The following C12orf43 variants were observed in gnomAD, a reference collection of about 807,000 sequenced individuals.
The protein encoded by C12orf43 is protein CUSTOS.
In C12orf43, 15 loss-of-function variants were observed where a neutral mutation model predicts 20.6. The ratio of observed to expected loss-of-function variants is 0.73; its 90% CI spans 0.49 to 1.12. The LOEUF (loss-of-function observed/expected upper bound fraction) is 1.12, where lower values mean the gene tolerates loss of function less well. Ranked by LOEUF, C12orf43 falls within the 50% of genes most tolerant of loss-of-function variation. The pLI is 0.00. For missense variants in C12orf43, 334 were observed against 344.4 expected, an observed-to-expected ratio of 0.97 and a Z score of 0.24; for synonymous variants, 144 against 130.8, an observed-to-expected ratio of 1.10 and a Z score of -0.69.
In C12orf43 at chr12:121,003,121, G is replaced by A. The variant is rs1877653995; in HGVS notation, c.*1032C>T. The A allele has an allele frequency of 6.6e-6, 1 of 151,872 alleles. No homozygotes were observed. Among genetic ancestry groups the A allele is most frequent in the Non-Finnish European group, 1.5e-5 (1 of 68,088 alleles). 9.4% of individuals were successfully genotyped at this position (151,872 alleles called of 1,614,324 possible). On this transcript the variant is annotated 3_prime_UTR_variant, in exon 6 of 6. Coordinates refer to ENST00000288757, the MANE Select transcript of C12orf43 (RefSeq NM_022895.3). ...GGCTCACTGCAACCTGCACCTCCTG[G>A]GTTCAAGCGATTCTCCCACCTCAGC...
chr12:121,000,953 G>C lies in C12orf43; in HGVS notation c.*3200C>G. ...GACTTTGGGGTTCCTGTTATCTGCT[G>C]TGATCCAGGAGGTGTGGCCCTGCCT... On this transcript the variant is annotated 3_prime_UTR_variant, in exon 6 of 6. Coordinates refer to ENST00000288757, the MANE Select transcript of C12orf43 (RefSeq NM_022895.3). The C allele has an allele frequency of 6.9e-7, 1 of 1,439,808 alleles. No homozygotes were observed. Among genetic ancestry groups the C allele is most frequent in the Non-Finnish European group, 9.6e-7 (1 of 1,036,872 alleles). 89.2% of individuals were successfully genotyped at this position (1,439,808 alleles called of 1,614,324 possible).
In C12orf43 at chr12:121,004,249, C is replaced by T. The variant is rs377513217; in HGVS notation, c.693G>A (p.Val231=). ...TTTTCTTCTTTTTGGTCCCAAGCGACACCTGGTCCCCGTTGAGCTCACCTG... is the reference window on the plus strand; with the variant it reads ...TTTTCTTCTTTTTGGTCCCAAGCGATACCTGGTCCCCGTTGAGCTCACCTG... The part of the protein sequence containing the change: ...QKSGELNGDQ[V]SLGTKKKKKA... Residue 231 remains valine, a synonymous_variant, in exon 6 of 6, where the codon GTG becomes GTA. Transcript: ENST00000288757. The surrounding 1 kb of genome is among the most constrained non-coding windows in gnomAD (Gnocchi z 5.6). 1.2e-6 allele frequency: 2 copies of T among 1,614,218 alleles called. No homozygotes were observed.
rs538419966 is a variant in C12orf43, at chr12:121,002,017, G to A, written c.*2136C>T. Reference sequence around the variant, plus strand: ...TACTCCTGTGGGAGCCTCGCAACCCGTGCCAAGTCCAGGTCCTGGTGGGGC... The same window carrying A: ...TACTCCTGTGGGAGCCTCGCAACCCATGCCAAGTCCAGGTCCTGGTGGGGC... On this transcript the variant is annotated 3_prime_UTR_variant, in exon 6 of 6. Coordinates refer to ENST00000288757, the MANE Select transcript of C12orf43 (RefSeq NM_022895.3). 1.9e-5 allele frequency: 10 copies of A among 536,676 alleles called. No homozygotes were observed. Among genetic ancestry groups the A allele is most frequent in the Middle Eastern group, 2.8e-4 (1 of 3,564 alleles). The allele number at this position is 536,676 out of a possible 1,614,324, so 33.2% of individuals were successfully genotyped here. A position where few individuals can be genotyped will look rare whatever the true frequency, so the allele number is the denominator to read the frequency against.
At chr12:121,014,333 A>G (rs1472102483) in intron 1 of C12orf43, among the ~76,000 whole-genome samples, 1 of 151,932 alleles carries the variant, frequency 6.6e-6, no homozygotes, top group Non-Finnish European at 1.5e-5. Flanking sequence ...CTGCGTCTCA[A>G]AAAGAAAAAA....
At chr12:121,011,998 C>T (rs541059009) in intron 1 of C12orf43, among the ~76,000 whole-genome samples, 3 of 151,958 alleles carry the variant, frequency 2.0e-5, no homozygotes, top group Non-Finnish European at 4.4e-5. Context: ...AACACACATA[C>T]GTAAACAAAA....
Position 121,000,792 on chromosome 12 carries a change from AACACGT to A in C12orf43, c.*3355_*3360del. 1 of 495,814 alleles carries A rather than the reference AACACGT, an allele frequency of 2.0e-6. No homozygotes were observed. The highest frequency in any genetic ancestry group is 3.7e-6 in the Non-Finnish European group (1 of 269,220). 30.7% of individuals were successfully genotyped at this position (495,814 alleles called of 1,614,324 possible). On this transcript the variant is annotated 3_prime_UTR_variant, in exon 6 of 6. Transcript: ENST00000288757. ...GTGTTTGACTCAGCCTAGCCAAGCC[AACACGT>A]ACAACTACCTACCTCGGCATCTCAC...
At chr12:121,006,463 C>G in intron 3 of C12orf43, 69 bp from the exon 4 acceptor site, 1 of 1,441,548 alleles carries the variant, frequency 6.9e-7, no homozygotes, top group Non-Finnish European at 9.8e-7. Context: ...AATTCTTTTT[C>G]AAGTGGAGGG....
chr12:121,013,529 C>T (rs748725089), intron 1 of C12orf43, among the ~76,000 whole-genome samples: 5 of 152,192 alleles, frequency 3.3e-5, no homozygotes, highest in Non-Finnish European at 7.3e-5. Context: ...TACTTGAATA[C>T]GTGGTCTGCC....
Position 121,001,151 on chromosome 12 carries a change from G to C in C12orf43, c.*3002C>G, listed in dbSNP as rs1316999782. 1 of 1,614,088 alleles carries C rather than the reference G, an allele frequency of 6.2e-7. No homozygotes were observed. The highest frequency in any genetic ancestry group is 2.2e-5 in the East Asian group (1 of 44,876). On this transcript the variant is annotated 3_prime_UTR_variant, in exon 6 of 6. Coordinates refer to ENST00000288757, the MANE Select transcript of C12orf43 (RefSeq NM_022895.3). The stretch of plus-strand genomic sequence containing the variant: ...GCTGCCATCCAACCACAGCGTCATC[G>C]AGACCTTCATCTCCACCCAGATGGC...
In C12orf43 at chr12:121,004,053, G is replaced by T; in HGVS notation, c.*100C>A. On this transcript the variant is annotated 3_prime_UTR_variant, in exon 6 of 6. Transcript: ENST00000288757. The surrounding 1 kb of genome is among the most constrained non-coding windows in gnomAD (Gnocchi z 5.6). ...GTCTGGGTTTGCCAGCCCAGTCCTT[G>T]AACTTGGAGAGGGAGGTGGGGCTTG... The T allele has an allele frequency of 7.5e-7, 1 of 1,341,014 alleles. No homozygotes were observed. Among genetic ancestry groups the T allele is most frequent in the Non-Finnish European group, 1.1e-6 (1 of 935,420 alleles). 83.1% of individuals were successfully genotyped at this position (1,341,014 alleles called of 1,614,324 possible). A position where few individuals can be genotyped will look rare whatever the true frequency, so the allele number is the denominator to read the frequency against.
At chr12:121,014,800 A>G (rs1279033769) in intron 1 of C12orf43, among the ~76,000 whole-genome samples, 2 of 151,936 alleles carry the variant, frequency 1.3e-5, no homozygotes, top group Non-Finnish European at 2.9e-5. Flanking sequence ...GCAACATGGC[A>G]AAACCCCATC....
Position 121,004,337 on chromosome 12 carries a change from C to A in C12orf43, c.605G>T (p.Ser202Ile), listed in dbSNP as rs201423122. The change falls in exon 6 of 6, where the codon AGT becomes ATT. Residue 202 changes from serine to isoleucine, a missense_variant. Transcript: ENST00000288757. The surrounding 1 kb of genome is among the most constrained non-coding windows in gnomAD (Gnocchi z 5.6). Reference protein sequence around the residue: ...KLKKKAKKVASVDSAVAATTP... With the variant: ...KLKKKAKKVAIVDSAVAATTP... Reference sequence around the variant, plus strand: ...GGTGGCAGCGACAGCCGAGTCGACACTGGCCACCTTCTTGGCTTTCTTTTT... The same window carrying A: ...GGTGGCAGCGACAGCCGAGTCGACAATGGCCACCTTCTTGGCTTTCTTTTT... 4 of 1,614,246 alleles carry A rather than the reference C, an allele frequency of 2.5e-6. No homozygotes were observed. The highest frequency in any genetic ancestry group is 2.5e-6 in the Non-Finnish European group (3 of 1,180,034).
In C12orf43 at chr12:121,012,431, T is replaced by C. The variant is rs1478033666; in HGVS notation, c.146-1285A>G. On this transcript the variant is annotated intron_variant, in intron 1 of 5. Transcript: ENST00000288757. Reference sequence around the variant, plus strand: ...AGCAGAGAAGGGACATAAACTGACCTGGGTTTTGACAGAACATCTTTGGCT... The same window carrying C: ...AGCAGAGAAGGGACATAAACTGACCCGGGTTTTGACAGAACATCTTTGGCT... The C allele has an allele frequency of 8.5e-6, 6 of 702,482 alleles. No individual in the cohort carries two copies. The East Asian group carries it at 1.6e-4, about 19-fold the overall frequency. The allele number at this position is 702,482 out of a possible 1,614,324, so 43.5% of individuals were successfully genotyped here. A position where few individuals can be genotyped will look rare whatever the true frequency, so the allele number is the denominator to read the frequency against.
Position 121,004,314 on chromosome 12 carries a change from T to C in C12orf43, c.628A>G (p.Thr210Ala), listed in dbSNP as rs1461947745. 1.9e-6 allele frequency: 3 copies of C among 1,614,032 alleles called. No homozygotes were observed. The highest frequency in any genetic ancestry group is 1.7e-5 in the Admixed American group (1 of 60,004). Residue 210 changes from threonine (T) to alanine (A), a missense_variant, in exon 6 of 6, where the codon ACC becomes GCC. Physicochemically the swap from Thr to Ala is moderately conservative, Grantham distance 58 (BLOSUM62 0). Transcript: ENST00000288757. This position sits in a 1 kb window ranked among gnomAD's most constrained non-coding sequence, Gnocchi z 5.6. ...VASVDSAVAA[T>A]TPTSMATVQK... The stretch of plus-strand genomic sequence containing the variant: ...ACTGTGGCCATGCTGGTGGGGGTGG[T>C]GGCAGCGACAGCCGAGTCGACACTG...
In C12orf43 at chr12:121,005,189, TAAAA is replaced by T. The variant is rs1324695648; in HGVS notation, c.362-100_362-97del. On this transcript the variant is annotated intron_variant, in intron 4 of 5. Coordinates refer to ENST00000288757, the MANE Select transcript of C12orf43 (RefSeq NM_022895.3). The surrounding 1 kb of genome is among the most constrained non-coding windows in gnomAD (Gnocchi z 5.6). Reference sequence around the variant, plus strand: ...AAAGAAACAAAAAAGAAAAAAATTTTAAAAAGGAAAACGAAAGAAAGAAAAGATA... The same window carrying T: ...AAAGAAACAAAAAAGAAAAAAATTTTAGGAAAACGAAAGAAAGAAAAGATA... 1.5e-6 allele frequency: 1 copy of T among 682,114 alleles called. No homozygotes were observed. The highest frequency in any genetic ancestry group is 2.1e-6 in the Non-Finnish European group (1 of 483,372). The allele number at this position is 682,114 out of a possible 1,614,324, so 42.3% of individuals were successfully genotyped here.
At chr12:121,011,534 A>G (rs1878473217) in intron 1 of C12orf43, among the ~76,000 whole-genome samples, 1 of 151,614 alleles carries the variant, frequency 6.6e-6, no homozygotes, top group Non-Finnish European at 1.5e-5. Context: ...AAATATATAT[A>G]ACACATATAA....
Position 121,005,950 on chromosome 12 carries a change from T to C in C12orf43, c.361+371A>G. ...TACAAAAATTAGCCAGGTGTGGTGG[T>C]GCACGCCTGTAGTCCCAGAACTTTG... On this transcript the variant is annotated intron_variant, in intron 4 of 5. Transcript: ENST00000288757. This position sits in a 1 kb window ranked among gnomAD's most constrained non-coding sequence, Gnocchi z 5.6. 5.5e-6 allele frequency: 1 copy of C among 181,002 alleles called. No individual in the cohort carries two copies. The highest frequency in any genetic ancestry group is 1.1e-5 in the Non-Finnish European group (1 of 86,966). 11.2% of individuals were successfully genotyped at this position (181,002 alleles called of 1,614,324 possible). A position where few individuals can be genotyped will look rare whatever the true frequency, so the allele number is the denominator to read the frequency against.
rs1448530619 is a variant in C12orf43, at chr12:121,011,088, C to T, written c.188+16G>A. 1.9e-6 allele frequency: 3 copies of T among 1,613,528 alleles called. 1 individual carries two copies. In the South Asian group the frequency reaches 3.3e-5, roughly 18 times the overall value. ...TTTGTTGAATAAGTGAAACTTGAAC[C>T]CAAAGTGCATAGTACCTGAGGCTCG... is the stretch of plus-strand genomic sequence containing the variant. On this transcript the variant is annotated intron_variant, in intron 2 of 5. Coordinates refer to ENST00000288757, the MANE Select transcript of C12orf43 (RefSeq NM_022895.3).
Position 121,004,963 on chromosome 12 carries a change from GA to G in C12orf43, c.452+39del. ...GGGAACCCACCAAGACAGAAGAGGA[GA>G]AAAAAGGAGGGGACGTGAGGAGAGG... On this transcript the variant is annotated intron_variant, in intron 5 of 5. Transcript: ENST00000288757. This position sits in a 1 kb window ranked among gnomAD's most constrained non-coding sequence, Gnocchi z 5.6. 3.5e-6 allele frequency: 5 copies of G among 1,415,378 alleles called. No homozygotes were observed. The highest frequency in any genetic ancestry group is 2.7e-5 in the Admixed American group (1 of 37,190). 87.7% of individuals were successfully genotyped at this position (1,415,378 alleles called of 1,614,324 possible).
Sources: gnomAD v4.1 joint callset for allele counts (sites outside exome capture counted in the v4.1 genomes callset) on GRCh38, gnomAD v4.1.1 for gene constraint, Gnocchi (gnomAD v3.1) non-coding constraint, MANE v1.5 for transcripts, NCBI Gene and HGNC (gene_info 2026-07-23, HGNC 2026-07-21) for gene names.